SH2B3: variants seen among roughly 807,000 people sequenced by gnomAD.
SH2B3 encodes the protein SH2B adapter protein 3.
A neutral mutation model predicts 51.9 loss-of-function variants in SH2B3; 43 were observed. That is an observed-to-expected ratio of 0.83 (90% confidence interval 0.65 to 1.07). The LOEUF is 1.07. SH2B3 is among the 50% of genes least tolerant of loss of function. SH2B3 has a pLI of 0.00. For synonymous variants in SH2B3, 396 were observed against 376.0 expected, an observed-to-expected ratio of 1.05 and a Z score of -0.62; for missense variants, 952 against 834.3, an observed-to-expected ratio of 1.14 and a Z score of -1.74.
chr12:111,425,522 T>C (rs1294631183), intron 2 of SH2B3, among the ~76,000 whole-genome samples: 1 of 151,958 alleles, frequency 6.6e-6, no homozygotes, highest in Non-Finnish European at 1.5e-5. Flanking sequence ...GTCTGTGGAA[T>C]AGCCAGGCAG....
chr12:111,423,359 GTTTTTATT>G (rs911785829), intron 2 of SH2B3, among the ~76,000 whole-genome samples: 4 of 152,180 alleles, frequency 2.6e-5, no homozygotes, highest in African/African-American at 4.8e-5. Flanking sequence ...ACACTGTAGG[GTTTTTATT>G]TTTTTATTTT....
rs1657782013 is a variant in SH2B3, at chr12:111,418,717, C to T, written c.572C>T (p.Pro191Leu). 2 of 1,485,166 alleles carry T rather than the reference C, an allele frequency of 1.3e-6. No individual in the cohort carries two copies. The highest frequency in any genetic ancestry group is 1.5e-5 in the African/African-American group (1 of 67,872). The allele number at this position is 1,485,166 out of a possible 1,614,324, so 92.0% of individuals were successfully genotyped here. Reference protein sequence around the residue: ...KFLPWSLAREPPPEALKEAVL... With the variant: ...KFLPWSLARELPPEALKEAVL... ...CTGCCCTGGAGCCTGGCCCGGGAGC[C>T]GCCACCCGAGGCGCTGAAGGAGGCG... The change falls in exon 2 of 8, where the codon CCG becomes CTG. Residue 191 changes from proline to leucine, a missense_variant. Physicochemically the swap from Pro to Leu is moderately conservative, Grantham distance 98. Coordinates refer to ENST00000341259, the MANE Select transcript of SH2B3 (RefSeq NM_005475.3). This position sits in a 1 kb window ranked among gnomAD's most constrained non-coding sequence, Gnocchi z 6.7.
chr12:111,412,318 C>G (rs1415160899), intron 1 of SH2B3, among the ~76,000 whole-genome samples: 1 of 152,226 alleles, frequency 6.6e-6, no homozygotes, highest in Non-Finnish European at 1.5e-5. Context: ...CCTTCCATAG[C>G]TTGGGCTACA....
Position 111,418,044 on chromosome 12 carries a change from C to T in SH2B3, c.-27-75C>T, listed in dbSNP as rs1871208035. 9.9e-6 allele frequency: 11 copies of T among 1,114,058 alleles called. No homozygotes were observed. Among genetic ancestry groups the T allele is most frequent in the African/African-American group, 1.6e-5 (1 of 60,846 alleles). The allele number at this position is 1,114,058 out of a possible 1,614,324, so 69.0% of individuals were successfully genotyped here. A position where few individuals can be genotyped will look rare whatever the true frequency, so the allele number is the denominator to read the frequency against. Reference sequence around the variant, plus strand: ...CGCGTTGGATTTCTGCTGTGGTGCCCGGTGTGTAATGGGGCCTACACCTGC... The same window carrying T: ...CGCGTTGGATTTCTGCTGTGGTGCCTGGTGTGTAATGGGGCCTACACCTGC... On this transcript the variant is annotated intron_variant, in intron 1 of 7. Transcript: ENST00000341259. The surrounding 1 kb of genome is among the most constrained non-coding windows in gnomAD (Gnocchi z 6.7).
intron 2 of SH2B3, among the ~76,000 whole-genome samples, chr12:111,427,637 G>C (rs1321340612): frequency 6.6e-6 from 1 of 152,212 alleles, no homozygotes; most frequent in Non-Finnish European, 1.5e-5. Context: ...AGCATGCCCA[G>C]CCTGCCGGGC....
intron 2 of SH2B3, among the ~76,000 whole-genome samples, chr12:111,432,629 T>C (rs1872580692): frequency 1.3e-5 from 2 of 152,146 alleles, no homozygotes; most frequent in African/African-American, 4.8e-5. Flanking sequence ...ATTTTCGTCA[T>C]CAAAAAAGGA....
Position 111,447,763 on chromosome 12 carries a change from C to G in SH2B3, c.1344C>G (p.Leu448=), listed in dbSNP as rs1479876308. 4 of 1,614,046 alleles carry G rather than the reference C, an allele frequency of 2.5e-6. No homozygotes were observed. Among genetic ancestry groups the G allele is most frequent in the East Asian group, 2.2e-5 (1 of 44,892 alleles). Residue 448 remains leucine, a synonymous_variant, in exon 7 of 8, where the codon CTC becomes CTG. Transcript: ENST00000341259. The stretch of plus-strand genomic sequence containing the variant: ...ACTTCCAGCGCTCGCCCATCCCACT[C>G]GAGTGCGGCGCCGCCTGTGATGTCC... ...LHHFQRSPIP[L]ECGAACDVRL... is the part of the protein sequence containing the mutation.
chr12:111,441,887 T>C (rs561901044), intron 2 of SH2B3, among the ~76,000 whole-genome samples: 97 of 152,208 alleles, frequency 6.4e-4, no homozygotes, highest in Non-Finnish European at 1.2e-4. Context: ...CCCAGCTCTT[T>C]CTGGGTGTCT....
rs1035396415 is a variant in SH2B3 at position 111,449,806 on chromosome 12, G to A, written c.*1504G>A. The A allele has an allele frequency of 6.6e-6, 1 of 152,240 alleles. No homozygotes were observed. The highest frequency in any genetic ancestry group is 6.5e-5 in the Admixed American group (1 of 15,278). 9.4% of individuals were successfully genotyped at this position (152,240 alleles called of 1,614,324 possible). Reference sequence around the variant, plus strand: ...AAAACTCATAGGACTGACTGCCTGGGAGGAGGGTTAGGTCTGCTTCTTCCA... The same window carrying A: ...AAAACTCATAGGACTGACTGCCTGGAAGGAGGGTTAGGTCTGCTTCTTCCA... On this transcript the variant is annotated 3_prime_UTR_variant, in exon 8 of 8. Transcript: ENST00000341259.
intron 2 of SH2B3, chr12:111,444,623 G>A (rs1873751784): frequency 4.8e-6 from 2 of 417,590 alleles, no homozygotes; most frequent in South Asian, 9.6e-5. Flanking sequence ...GTGAGAGGAG[G>A]GAACCTAAAG....
chr12:111,436,474 A>G (rs1463303660), intron 2 of SH2B3, among the ~76,000 whole-genome samples: 2 of 152,242 alleles, frequency 1.3e-5, no homozygotes, highest in East Asian at 3.9e-4. Flanking sequence ...TCGAGAGTAG[A>G]AGCGTCCCAC....
chr12:111,428,865 AC>A (rs1872215845), intron 2 of SH2B3, among the ~76,000 whole-genome samples: 1 of 151,632 alleles, frequency 6.6e-6, no homozygotes, highest in South Asian at 2.1e-4. Context: ...GGAAACTGAG[AC>A]CCGGGGAGGC....
chr12:111,407,875 CT>C lies in SH2B3; in HGVS notation c.-28+1600del. On this transcript the variant is annotated intron_variant, in intron 1 of 7. Transcript: ENST00000341259. This position sits in a 1 kb window ranked among gnomAD's most constrained non-coding sequence, Gnocchi z 4.3. ...GACTGTGCTTTGCTACTCCTATTGC[CT>C]TCGTTCAGCTGAAGGCGTGGGCAAG... Among the ~76,000 whole-genome samples the C allele has an allele frequency of 6.6e-6, 1 of 152,272 alleles. No individual in the cohort carries two copies. Among genetic ancestry groups the C allele is most frequent in the Admixed American group, 6.5e-5 (1 of 15,282 alleles).
intron 2 of SH2B3, among the ~76,000 whole-genome samples, chr12:111,446,498 TCC>T (rs1873970902): frequency 1.3e-5 from 2 of 152,244 alleles, no homozygotes. Context: ...TGGGAATGTC[TCC>T]AAGTCCAGGT....
At position 111,418,094 on chromosome 12, in the gene SH2B3, GCCCCCCCACC is replaced by G. The variant is rs1162228267; in HGVS notation, c.-27-23_-27-14del. 3 of 1,465,974 alleles carry G rather than the reference GCCCCCCCACC, an allele frequency of 2.0e-6. No individual in the cohort carries two copies. The highest frequency in any genetic ancestry group is 2.7e-6 in the Non-Finnish European group (3 of 1,118,862). The allele number at this position is 1,465,974 out of a possible 1,614,324, so 90.8% of individuals were successfully genotyped here. On this transcript the variant is annotated splice_polypyrimidine_tract_variant and intron_variant, in intron 1 of 7. Coordinates refer to ENST00000341259, the MANE Select transcript of SH2B3 (RefSeq NM_005475.3). The surrounding 1 kb of genome is among the most constrained non-coding windows in gnomAD (Gnocchi z 6.7). Reference sequence around the variant, plus strand: ...CTTGCCCACCTGCTTACTCCTTGTCGCCCCCCCACCCACGTGTCTTTCAGCCCGGCCGCAC... The same window carrying G: ...CTTGCCCACCTGCTTACTCCTTGTCGCACGTGTCTTTCAGCCCGGCCGCAC...
At chr12:111,428,187 C>T (rs1454081943) in intron 2 of SH2B3, among the ~76,000 whole-genome samples, 1 of 152,224 alleles carries the variant, frequency 6.6e-6, no homozygotes, top group Non-Finnish European at 1.5e-5. Context: ...GGGGGCTGGC[C>T]AGCGCCCCTC....
intron 2 of SH2B3, among the ~76,000 whole-genome samples, chr12:111,426,945 AGT>A (rs1397460323): frequency 1.3e-5 from 2 of 152,056 alleles, no homozygotes; most frequent in African/African-American, 4.8e-5. Flanking sequence ...CAAACCAGAG[AGT>A]GTATAACCCA....
At chr12:111,441,589 C>G (rs73410508) in intron 2 of SH2B3, among the ~76,000 whole-genome samples, 15,699 of 152,018 alleles carry the variant, frequency 0.1, 2,704 homozygotes, top group African/African-American at 0.36. Flanking sequence ...ATGGCTGAGA[C>G]GCACCACGTT....
intron 2 of SH2B3, among the ~76,000 whole-genome samples, chr12:111,441,361 A>C (rs905384666): frequency 1.2e-5 from 1 of 80,108 alleles, no homozygotes; most frequent in Non-Finnish European, 2.6e-5. Flanking sequence ...CCTATCTCTT[A>C]AAAAAAAAAA....
Sources: gnomAD v4.1 joint callset for allele counts (sites outside exome capture counted in the v4.1 genomes callset) on GRCh38, gnomAD v4.1.1 for gene constraint, Gnocchi (gnomAD v3.1) non-coding constraint, MANE v1.5 for transcripts, NCBI Gene and HGNC (gene_info 2026-07-23, HGNC 2026-07-21) for gene names.